Variants in VLDLR observed in about 807,000 individuals in gnomAD.
VLDLR encodes the protein very low density lipoprotein receptor, also known as very low-density lipoprotein receptor.
Under a neutral mutation model 112.7 loss-of-function variants are expected in VLDLR, and 81 were observed. That is an observed-to-expected ratio of 0.72 (90% CI 0.60 to 0.86). VLDLR has a LOEUF of 0.86. Among genes scored for constraint, VLDLR ranks in the 40% least tolerant of loss-of-function variants. VLDLR has a pLI of 0.00. For synonymous variants in VLDLR, 436 were observed against 384.8 expected (o/e 1.13, Z -1.56); for missense variants, 1,237 against 1,099.4 (o/e 1.13, Z -1.77).
rs545719373 is a variant in VLDLR at position 2,659,052 on chromosome 9, C to T, written c.*5184C>T. On this transcript the variant is annotated 3_prime_UTR_variant, in exon 19 of 19. Coordinates refer to ENST00000382100, the MANE Select transcript of VLDLR (RefSeq NM_003383.5). ...ACAAATATTTGGGAGCCTGCATAGT[C>T]TTTAGATGGCTGCCAAAGCACTTAA... is the stretch of plus-strand genomic sequence containing the variant. 6.6e-6 allele frequency: 1 copy of T among 152,296 alleles called. No homozygotes were observed. Among genetic ancestry groups the T allele is most frequent in the African/African-American group, 2.4e-5 (1 of 41,566 alleles). The allele number at this position is 152,296 out of a possible 1,614,324, so 9.4% of individuals were successfully genotyped here. A position where few individuals can be genotyped will look rare whatever the true frequency, so the allele number is the denominator to read the frequency against.
At chr9:2,625,265 A>G (rs1817039129) in intron 1 of VLDLR, among the ~76,000 whole-genome samples, 1 of 152,240 alleles carries the variant, frequency 6.6e-6, no homozygotes, top group African/African-American at 2.4e-5. Flanking sequence ...AAGAACTCCT[A>G]GAGTAGAACA....
Position 2,652,664 on chromosome 9 carries a change from A to C in VLDLR, c.2417-116A>C, listed in dbSNP as rs2130810307. ...TCCAACTTCTAGTTATCCTAGCTCC[A>C]TAAAACATGGCATTTTTACTAATGT... On this transcript the variant is annotated intron_variant, in intron 17 of 18. Transcript: ENST00000382100. 5 of 1,411,310 alleles carry C rather than the reference A, an allele frequency of 3.5e-6. No homozygotes were observed. The South Asian group carries it at 4.8e-5, about 14-fold the overall frequency. 87.4% of individuals were successfully genotyped at this position (1,411,310 alleles called of 1,614,324 possible). A position where few individuals can be genotyped will look rare whatever the true frequency, so the allele number is the denominator to read the frequency against.
At chr9:2,622,766 G>C (rs559658073) in intron 1 of VLDLR, among the ~76,000 whole-genome samples, 3 of 152,138 alleles carry the variant, frequency 2.0e-5, no homozygotes, top group Non-Finnish European at 4.4e-5. Flanking sequence ...GGGGCCGGCC[G>C]GGCTTCAGAG....
At chr9:2,630,633 G>A (rs184198480) in intron 1 of VLDLR, among the ~76,000 whole-genome samples, 8 of 152,298 alleles carry the variant, frequency 5.3e-5, no homozygotes, top group African/African-American at 1.2e-4. Context: ...GTATTTACTC[G>A]AAGGCCTATG....
At chr9:2,644,259 A>G (rs1817961803) in intron 7 of VLDLR, among the ~76,000 whole-genome samples, 2 of 148,900 alleles carry the variant, frequency 1.3e-5, no homozygotes, top group Admixed American at 1.3e-4. Context: ...CCCGGGTTCA[A>G]GCAGTTCTTC....
In VLDLR at chr9:2,652,853, G is replaced by C. The variant is rs1298198698; in HGVS notation, c.2490G>C (p.Met830Ile). The C allele has an allele frequency of 1.9e-6, 3 of 1,613,956 alleles. No individual in the cohort carries two copies. Among genetic ancestry groups the C allele is most frequent in the African/African-American group, 1.3e-5 (1 of 74,892 alleles). Reference sequence around the variant, plus strand: ...GGCAACACAAGAACATGAAAAGCATGAACTTTGACAATCCTGTGTACTTGA... The same window carrying C: ...GGCAACACAAGAACATGAAAAGCATCAACTTTGACAATCCTGTGTACTTGA... ...RNWQHKNMKS[M>I]NFDNPVYLKT... Residue 830 changes from methionine to isoleucine, a missense_variant, in exon 18 of 19, where the codon ATG becomes ATC. Transcript: ENST00000382100.
Position 2,622,147 on chromosome 9 carries a change from C to CGGT in VLDLR, c.-41_-40insTGG, listed in dbSNP as rs1285247295. The CGGT allele has an allele frequency of 2.1e-6, 1 of 468,658 alleles. No homozygotes were observed. 29.0% of individuals were successfully genotyped at this position (468,658 alleles called of 1,614,324 possible). A position where few individuals can be genotyped will look rare whatever the true frequency, so the allele number is the denominator to read the frequency against. ...CTGGTAACTTGTCGTGCGGAGCGAA[C>CGGT]GGCGGCGGCGGCGGCGGCGGCGGCA... On this transcript the variant is annotated 5_prime_UTR_variant, in exon 1 of 19. Coordinates refer to ENST00000382100, the MANE Select transcript of VLDLR (RefSeq NM_003383.5).
Position 2,651,958 on chromosome 9 carries a change from A to C in VLDLR, c.2416+4A>C, listed in dbSNP as rs1246226449. 6.2e-7 allele frequency: 1 copy of C among 1,613,892 alleles called. No homozygotes were observed. Among genetic ancestry groups the C allele is most frequent in the African/African-American group, 1.3e-5 (1 of 74,920 alleles). ...GCATGGGCCATTCTTCCTCTCTGTAAGTAGATTTCCTACAAGTCTGGGTTC... is the reference window on the plus strand; with the variant it reads ...GCATGGGCCATTCTTCCTCTCTGTACGTAGATTTCCTACAAGTCTGGGTTC... On this transcript the variant is annotated splice_donor_region_variant and intron_variant, in intron 17 of 18. Transcript: ENST00000382100.
Position 2,659,827 on chromosome 9 carries a change from G to T in VLDLR, c.*5959G>T, listed in dbSNP as rs1348351168. 6.6e-6 allele frequency: 1 copy of T among 152,200 alleles called. No homozygotes were observed. Among genetic ancestry groups the T allele is most frequent in the African/African-American group, 2.4e-5 (1 of 41,450 alleles). The allele number at this position is 152,200 out of a possible 1,614,324, so 9.4% of individuals were successfully genotyped here. A position where few individuals can be genotyped will look rare whatever the true frequency, so the allele number is the denominator to read the frequency against. On this transcript the variant is annotated 3_prime_UTR_variant, in exon 19 of 19. Transcript: ENST00000382100. The stretch of plus-strand genomic sequence containing the variant: ...GGAAGAGAGTTTTTTTGAACAAAAT[G>T]ACTGGCTTTGACAAAACTATCTTGC...
intron 3 of VLDLR, among the ~76,000 whole-genome samples, chr9:2,641,133 C>A (rs1193475452): frequency 6.6e-6 from 1 of 152,184 alleles, no homozygotes; most frequent in Non-Finnish European, 1.5e-5. Flanking sequence ...ACTGAGCACG[C>A]CATGGGACCT....
rs936053401 is a variant in VLDLR, at chr9:2,631,345, A to G, written c.83-4108A>G. 7.9e-5 allele frequency among the ~76,000 whole-genome samples: 12 copies of G among 152,214 alleles called. 1 individual carries two copies. The highest frequency in any genetic ancestry group is 2.6e-4 in the Admixed American group (4 of 15,288). ...ACCCAAAGGAAAAATCAGTATATCC[A>G]AGGGATACCTGCACTGGCATGTTTA... On this transcript the variant is annotated intron_variant, in intron 1 of 18. Coordinates refer to ENST00000382100, the MANE Select transcript of VLDLR (RefSeq NM_003383.5).
intron 2 of VLDLR, 21 bp downstream of exon 2, chr9:2,635,593 C>G (rs1218679417): frequency 6.2e-7 from 1 of 1,613,706 alleles, no homozygotes; most frequent in Non-Finnish European, 8.5e-7. Context: ...AGTTTGATGA[C>G]TTATGCATTT....
At chr9:2,647,443 T>C in intron 11 of VLDLR, 31 bp from the exon 12 acceptor site, 2 of 1,588,354 alleles carry the variant, frequency 1.3e-6, no homozygotes, top group South Asian at 1.1e-5. Flanking sequence ...TCTAAACCAC[T>C]GAGGCTTATT....
rs1818729722 is a variant in VLDLR, at chr9:2,659,642, C to T, written c.*5774C>T. 1 of 152,206 alleles carries T rather than the reference C, an allele frequency of 6.6e-6. No homozygotes were observed. Among genetic ancestry groups the T allele is most frequent in the Non-Finnish European group, 1.5e-5 (1 of 68,034 alleles). 9.4% of individuals were successfully genotyped at this position (152,206 alleles called of 1,614,324 possible). A position where few individuals can be genotyped will look rare whatever the true frequency, so the allele number is the denominator to read the frequency against. On this transcript the variant is annotated 3_prime_UTR_variant, in exon 19 of 19. Coordinates refer to ENST00000382100, the MANE Select transcript of VLDLR (RefSeq NM_003383.5). The stretch of plus-strand genomic sequence containing the variant: ...CCACAACAAATCTTAAGTTTCAAGG[C>T]TCTCCTATAGGGAGAAACATGGCCA...
chr9:2,651,406 A>C lies in VLDLR; in HGVS notation c.2252-9A>C. The C allele has an allele frequency of 6.2e-7, 1 of 1,613,384 alleles. No homozygotes were observed. Among genetic ancestry groups the C allele is most frequent in the Non-Finnish European group, 8.5e-7 (1 of 1,179,492 alleles). On this transcript the variant is annotated splice_polypyrimidine_tract_variant and intron_variant, in intron 15 of 18. Transcript: ENST00000382100. Reference sequence around the variant, plus strand: ...GGCATTAACCAGGTTCTTGGTTTTTATAATTCAGGTACTGCAACTACTGTG... The same window carrying C: ...GGCATTAACCAGGTTCTTGGTTTTTCTAATTCAGGTACTGCAACTACTGTG...
At chr9:2,649,283 A>T (rs1308152011) in intron 14 of VLDLR, among the ~76,000 whole-genome samples, 1 of 152,116 alleles carries the variant, frequency 6.6e-6, no homozygotes, top group African/African-American at 2.4e-5. Context: ...GCTGTGAGGG[A>T]AGGGTCTGTT....
At chr9:2,634,992 C>G (rs1476137436) in intron 1 of VLDLR, among the ~76,000 whole-genome samples, 3 of 152,174 alleles carry the variant, frequency 2.0e-5, no homozygotes, top group Non-Finnish European at 4.4e-5. Context: ...AATGAGTCCA[C>G]AGGCAGAGAT....
chr9:2,635,820 T>C (rs1400268499), intron 2 of VLDLR, among the ~76,000 whole-genome samples: 6 of 152,098 alleles, frequency 3.9e-5, no homozygotes, highest in Non-Finnish European at 8.8e-5. Flanking sequence ...AAACGTGGAA[T>C]AGGAATCTGG....
chr9:2,650,428 A>G lies in VLDLR; in HGVS notation c.2163A>G (p.Pro721=), dbSNP rs141715115. Residue 721 remains proline, a synonymous_variant, in exon 15 of 19, where the codon CCA becomes CCG. Transcript: ENST00000382100. ...GAGGATGTGAATACCTATGCCTGCC[A>G]GCACCACAGATTAATGATCACTCTC... ...ENGGCEYLCL[P]APQINDHSPK... 7 of 1,614,040 alleles carry G rather than the reference A, an allele frequency of 4.3e-6. No individual in the cohort carries two copies. The highest frequency in any genetic ancestry group is 5.1e-6 in the Non-Finnish European group (6 of 1,180,034).
Sources: gnomAD v4.1 joint callset for allele counts (sites outside exome capture counted in the v4.1 genomes callset) on GRCh38, gnomAD v4.1.1 for gene constraint, MANE v1.5 for transcripts, NCBI Gene and HGNC (gene_info 2026-07-23, HGNC 2026-07-21) for gene names.